Variants in GRIA4 observed in about 807,000 individuals in gnomAD.
The protein encoded by GRIA4 is glutamate receptor 4.
A neutral mutation model predicts 104.0 loss-of-function variants in GRIA4; 34 were observed. The observed-to-expected ratio is 0.33, with a 90% CI of 0.25 to 0.44. The LOEUF (loss-of-function observed/expected upper bound fraction) is 0.44, where lower values mean the gene tolerates loss of function less well. Among genes scored for constraint, GRIA4 ranks in the 20% least tolerant of loss-of-function variants. GRIA4 has a pLI of 1.00. For missense variants in GRIA4, 750 were observed against 1,096.5 expected (o/e 0.68, Z 4.46); for synonymous variants, 386 against 381.9 (o/e 1.01, Z -0.13).
chr11:105,652,646 T>A (rs1951716162), intron 3 of GRIA4, among the ~76,000 whole-genome samples: 1 of 152,198 alleles, frequency 6.6e-6, no homozygotes, highest in African/African-American at 2.4e-5. Flanking sequence ...ATTGGGCTTC[T>A]TTTTTATGAC....
intron 4 of GRIA4, among the ~76,000 whole-genome samples, chr11:105,835,609 A>G (rs1944148802): frequency 1.3e-5 from 2 of 152,058 alleles, no homozygotes; most frequent in African/African-American, 4.8e-5. Flanking sequence ...TTTTTATTAA[A>G]TGATTATCTC....
intron 3 of GRIA4, among the ~76,000 whole-genome samples, chr11:105,632,297 C>T (rs1951054008): frequency 6.6e-6 from 1 of 152,148 alleles, no homozygotes; most frequent in African/African-American, 2.4e-5. Flanking sequence ...AGCTGACACC[C>T]CATCTCATCT....
At chr11:105,963,148 C>G (rs1233539310) in intron 14 of GRIA4, among the ~76,000 whole-genome samples, 7 of 152,174 alleles carry the variant, frequency 4.6e-5, no homozygotes, top group Middle Eastern at 3.4e-3. Flanking sequence ...ATTATTACTT[C>G]TTCAGGATTT....
intron 4 of GRIA4, among the ~76,000 whole-genome samples, chr11:105,827,994 T>C (rs1943838453): frequency 6.6e-6 from 1 of 151,992 alleles, no homozygotes; most frequent in South Asian, 2.1e-4. Context: ...ATGTAATGCT[T>C]TGTTAAGATA....
intron 3 of GRIA4, among the ~76,000 whole-genome samples, chr11:105,722,953 T>C (rs998849454): frequency 6.6e-6 from 1 of 152,164 alleles, no homozygotes; most frequent in African/African-American, 2.4e-5. Context: ...TGAATATTTT[T>C]TCTTTTAAAT....
intron 5 of GRIA4, among the ~76,000 whole-genome samples, chr11:105,882,240 G>C (rs1946093091): frequency 6.6e-6 from 1 of 152,154 alleles, no homozygotes; most frequent in Non-Finnish European, 1.5e-5. Context: ...ACAACGGAGA[G>C]AGGAATTTCC....
intron 3 of GRIA4, among the ~76,000 whole-genome samples, chr11:105,660,253 A>T (rs1288608489): frequency 1.3e-5 from 2 of 151,808 alleles, no homozygotes; most frequent in African/African-American, 2.4e-5. Context: ...AAAATTAGAA[A>T]TCAATTAGAA....
chr11:105,832,817 T>A (rs1287116529), intron 4 of GRIA4, among the ~76,000 whole-genome samples: 1 of 152,008 alleles, frequency 6.6e-6, no homozygotes, highest in Non-Finnish European at 1.5e-5. Context: ...TGTATTCCAC[T>A]CCTTCTCTTT....
chr11:105,973,412 A>G (rs1249211642), intron 15 of GRIA4, among the ~76,000 whole-genome samples: 2 of 152,090 alleles, frequency 1.3e-5, no homozygotes, highest in Non-Finnish European at 2.9e-5. Flanking sequence ...TCTTCCAATC[A>G]TAAGAGTAGG....
chr11:105,890,661 A>T (rs1194311909), intron 6 of GRIA4, among the ~76,000 whole-genome samples: 4 of 152,180 alleles, frequency 2.6e-5, no homozygotes, highest in Non-Finnish European at 5.9e-5. Flanking sequence ...AGAAGTAGAA[A>T]TCCTTTCCCT....
intron 4 of GRIA4, among the ~76,000 whole-genome samples, chr11:105,779,020 G>C (rs1478510146): frequency 7.1e-6 from 1 of 140,478 alleles, no homozygotes; most frequent in East Asian, 2.2e-4. Flanking sequence ...CCACCTGTGA[G>C]TGAGAACATG....
chr11:105,932,893 A>G (rs910100041), intron 13 of GRIA4, among the ~76,000 whole-genome samples: 1 of 152,072 alleles, frequency 6.6e-6, no homozygotes, highest in Non-Finnish European at 1.5e-5. Context: ...ATTTTTGTAT[A>G]TATCTTACTA....
chr11:105,676,699 A>G (rs1195953788), intron 3 of GRIA4, among the ~76,000 whole-genome samples: 1 of 151,802 alleles, frequency 6.6e-6, no homozygotes, highest in Non-Finnish European at 1.5e-5. Flanking sequence ...TAATATTTGT[A>G]TAATTTAAAA....
intron 3 of GRIA4, among the ~76,000 whole-genome samples, chr11:105,630,049 T>C (rs1950992287): frequency 6.6e-6 from 1 of 152,202 alleles, no homozygotes; most frequent in South Asian, 2.1e-4. Flanking sequence ...CTGGTGGCTC[T>C]TGGCCATCTG....
chr11:105,643,774 A>G (rs1951439640), intron 3 of GRIA4, among the ~76,000 whole-genome samples: 1 of 152,136 alleles, frequency 6.6e-6, no homozygotes, highest in African/African-American at 2.4e-5. Context: ...GCTGGAGTGC[A>G]GTGACATCAT....
At chr11:105,964,689 G>GA (rs1948817133) in intron 14 of GRIA4, among the ~76,000 whole-genome samples, 1 of 151,482 alleles carries the variant, frequency 6.6e-6, no homozygotes, top group Non-Finnish European at 1.5e-5. Flanking sequence ...TTAAATGATG[G>GA]AAAAATCTCT....
intron 3 of GRIA4, among the ~76,000 whole-genome samples, chr11:105,634,467 G>GAA (rs1491131038): frequency 1.8e-3 from 162 of 90,216 alleles, no homozygotes; most frequent in African/African-American, 5.5e-3. Context: ...AAGAAAGAAA[G>GAA]GGAAAGAAAG....
At chr11:105,610,870 C>CTTTTTTTTTTTTTTTTTTTAT (rs55973528) in intron 1 of GRIA4, 38 bp from the exon 2 acceptor site, 1 of 330,398 alleles carries the variant, frequency 3.0e-6, no homozygotes, top group African/African-American at 2.7e-5. Context: ...TCTTTCTTTT[C>CTTTTTTTTTTTTTTTTTTTAT]TTTTTTTTTT....
chr11:105,938,261 G>GAGTACTTAGAAGGTTTGTGA (rs1948099517), intron 14 of GRIA4, among the ~76,000 whole-genome samples: 1 of 152,174 alleles, frequency 6.6e-6, no homozygotes, highest in African/African-American at 2.4e-5. Flanking sequence ...TTTAGTTCAG[G>GAGTACTTAGAAGGTTTGTGA]AGTACTTAGA....
Sources: allele counts gnomAD v4.1 joint callset (sites outside exome capture counted in the v4.1 genomes callset), GRCh38; gene constraint gnomAD v4.1.1; transcripts MANE v1.5; gene names NCBI Gene and HGNC (gene_info 2026-07-23, HGNC 2026-07-21).